SYNE1: variants seen among roughly 807,000 people sequenced by gnomAD.
SYNE1 encodes nesprin-1.
In SYNE1, 616 loss-of-function variants were observed where a neutral mutation model predicts 1,111.0. That is an observed-to-expected ratio of 0.55 (90% CI 0.52 to 0.59). The LOEUF (loss-of-function observed/expected upper bound fraction) is 0.59. Ranked by LOEUF, SYNE1 falls within the 20% of genes least tolerant of loss-of-function variation. The pLI is 0.00. For synonymous variants in SYNE1, 3,855 were observed against 3,825.8 expected, an observed-to-expected ratio of 1.01 and a Z score of -0.28; for missense variants, 10,006 against 10,417.0, an observed-to-expected ratio of 0.96 and a Z score of 1.72.
intron 3 of SYNE1, among the ~76,000 whole-genome samples, chr6:152,557,436 C>G (rs900190569): frequency 6.6e-6 from 1 of 151,936 alleles, no homozygotes; most frequent in Non-Finnish European, 1.5e-5. Flanking sequence ...CAAATCTAGA[C>G]TGGGAAATAA....
chr6:152,421,621 C>A (rs1460381735), intron 39 of SYNE1, among the ~76,000 whole-genome samples: 1 of 151,856 alleles, frequency 6.6e-6, no homozygotes, highest in Non-Finnish European at 1.5e-5. Flanking sequence ...TGTTTCCTGG[C>A]CGCAAGTTTC....
intron 3 of SYNE1, among the ~76,000 whole-genome samples, chr6:152,609,854 G>C (rs144185627): frequency 0.01 from 1,571 of 152,280 alleles, 24 homozygotes; most frequent in African/African-American, 0.036. Context: ...AAGCAAACAG[G>C]GTCTGGAGTG....
In SYNE1 at chr6:152,249,147, G is replaced by A; in HGVS notation, c.19572+14C>T. 6.5e-7 allele frequency: 1 copy of A among 1,545,620 alleles called. No homozygotes were observed. The highest frequency in any genetic ancestry group is 1.1e-5 in the South Asian group (1 of 89,618). ...TATGCATTTTCTCTTCTAGGAAAAG[G>A]CAGCTATAAATACCTCTATTTGTTC... On this transcript the variant is annotated intron_variant, in intron 105 of 145. Transcript: ENST00000367255.
Position 152,444,525 on chromosome 6 carries a change from G to A in SYNE1, c.3723C>T (p.Val1241=), listed in dbSNP as rs1041302788. 3.7e-6 allele frequency: 6 copies of A among 1,613,162 alleles called. No individual in the cohort carries two copies. The highest frequency in any genetic ancestry group is 5.1e-6 in the Non-Finnish European group (6 of 1,179,818). Residue 1241 remains valine (V), a synonymous_variant, in exon 30 of 146, where the codon GTC becomes GTT. Transcript: ENST00000367255. ...FGDCVQYKEI[V]KNSLEELISG... is the part of the protein sequence containing the mutation. ...AAATTAATTCTTCGAGAGAATTTTT[G>A]ACTATTTCTTTGTACTGGACACAGT...
At chr6:152,464,878 T>C (rs1333675214) in intron 18 of SYNE1, 2 of 294,074 alleles carry the variant, frequency 6.8e-6, no homozygotes, top group African/African-American at 4.4e-5. Flanking sequence ...GGTCCAGTTG[T>C]TCAACTGGCG....
intron 109 of SYNE1, 74 bp from the exon 110 acceptor site, chr6:152,236,377 T>TA (rs1488155089): frequency 9.3e-7 from 1 of 1,079,474 alleles, no homozygotes. Context: ...ATTTCTCTGG[T>TA]ACCTACAATG....
At chr6:152,370,680 T>C (rs899023571) in intron 59 of SYNE1, among the ~76,000 whole-genome samples, 3 of 152,216 alleles carry the variant, frequency 2.0e-5, no homozygotes, top group Non-Finnish European at 4.4e-5. Flanking sequence ...GTTATTTATG[T>C]TACCCTGTGA....
intron 63 of SYNE1, 149 bp from the exon 64 acceptor site, chr6:152,362,472 T>A: frequency 9.8e-7 from 1 of 1,020,524 alleles, no homozygotes; most frequent in Non-Finnish European, 1.5e-6. Flanking sequence ...GCCCAGGGCT[T>A]AAGGACACTG....
At chr6:152,440,031 C>T (rs187917370) in intron 32 of SYNE1, among the ~76,000 whole-genome samples, 163 of 152,282 alleles carry the variant, frequency 1.1e-3, no homozygotes, top group African/African-American at 3.6e-3. Flanking sequence ...ATCTCACTTC[C>T]ATTGTCTCCG....
chr6:152,479,993 A>T (rs1314014790), intron 14 of SYNE1, among the ~76,000 whole-genome samples: 1 of 152,214 alleles, frequency 6.6e-6, no homozygotes, highest in African/African-American at 2.4e-5. Context: ...AAGCATTGTA[A>T]CTTTGATAGC....
chr6:152,164,171 C>A lies in SYNE1; in HGVS notation c.23782G>T (p.Glu7928Ter). The change falls in exon 131 of 146, where the codon GAG becomes TAG. Residue 7928 changes from glutamate (E) to a stop codon, truncating the protein, a stop_gained. Transcript: ENST00000367255. LOFTEE classifies it high-confidence loss of function. ...TCCATTTTAAGTCTTACCTGCTGCT[C>A]ATTAAGCTTTCTCTGTATTTCTTCC... is the stretch of plus-strand genomic sequence containing the variant. ...NSEEIQRKLN[E>*]QQELQRDIEK... 6.2e-7 allele frequency: 1 copy of A among 1,614,172 alleles called. No individual in the cohort carries two copies. The highest frequency in any genetic ancestry group is 1.1e-5 in the South Asian group (1 of 91,060).
At position 152,352,029 on chromosome 6, in the gene SYNE1, T is replaced by A; in HGVS notation, c.11578A>T (p.Lys3860Ter). The A allele has an allele frequency of 6.2e-7, 1 of 1,613,910 alleles. No individual in the cohort carries two copies. Among genetic ancestry groups the A allele is most frequent in the Non-Finnish European group, 8.5e-7 (1 of 1,179,968 alleles). The change falls in exon 70 of 146, where the codon AAG becomes TAG. Residue 3860 changes from lysine (K) to a stop codon, truncating the protein, a stop_gained and splice_region_variant. Coordinates refer to ENST00000367255, the MANE Select transcript of SYNE1 (RefSeq NM_182961.4). LOFTEE classifies it high-confidence loss of function. ...CTGTCAATGAGTAAACACACTACCT[T>A]GTATTTAGATAACTGAGCTTTTTTC... ...YEKKAQLSKY[K>*]SLQQTVLSHE...
Position 152,310,788 on chromosome 6 carries a change from G to A in SYNE1, c.16796C>T (p.Thr5599Ile), listed in dbSNP as rs749643285. 1.9e-6 allele frequency: 3 copies of A among 1,613,672 alleles called. No homozygotes were observed. The Admixed American group carries it at 5.0e-5, about 27-fold the overall frequency. Reference protein sequence around the residue: ...KLQYLTSVYCTEKMSQQVAEL... With the variant: ...KLQYLTSVYCIEKMSQQVAEL... ...TGCCACTTGCTGAGACATTTTTTCT[G>A]TACAGTACACGCTAGTGAGGTACTG... Residue 5599 changes from threonine (T) to isoleucine (I), a missense_variant, in exon 88 of 146, where the codon ACA (threonine) becomes ATA (isoleucine). Thr to Ile is a moderately conservative substitution (Grantham distance 89, BLOSUM62 -1). Around this residue, in one of 7 missense-constraint regions of SYNE1, gnomAD observed 4,955 missense variants for 5,017.2 expected, o/e 0.99. Coordinates refer to ENST00000367255, the MANE Select transcript of SYNE1 (RefSeq NM_182961.4).
intron 140 of SYNE1, among the ~76,000 whole-genome samples, chr6:152,139,102 A>G (rs2057793681): frequency 6.6e-6 from 1 of 152,224 alleles, no homozygotes; most frequent in Non-Finnish European, 1.5e-5. Context: ...ATAGGCCTGT[A>G]GGAGCCAGGT....
chr6:152,633,240 C>T (rs1041895727), intron 2 of SYNE1, among the ~76,000 whole-genome samples: 10 of 152,142 alleles, frequency 6.6e-5, no homozygotes, highest in Admixed American at 2.0e-4. Flanking sequence ...GGGCTGTATA[C>T]CAATAAATAG....
intron 27 of SYNE1, 107 bp from the exon 28 acceptor site, chr6:152,449,748 A>G: frequency 1.1e-6 from 1 of 898,590 alleles, no homozygotes; most frequent in Non-Finnish European, 1.8e-6. Flanking sequence ...TTAAGTGATT[A>G]CCAAATTGAT....
chr6:152,298,747 G>T (rs540536922), intron 93 of SYNE1, among the ~76,000 whole-genome samples: 1 of 152,176 alleles, frequency 6.6e-6, no homozygotes, highest in African/African-American at 2.4e-5. Context: ...CACCGGTCAT[G>T]GTGTCATATT....
intron 130 of SYNE1, 133 bp downstream of exon 130, chr6:152,176,261 A>G (rs1475954963): frequency 1.3e-5 from 16 of 1,248,194 alleles, no homozygotes; most frequent in Non-Finnish European, 1.9e-5. Flanking sequence ...GAGGAGCATG[A>G]ACAGTTTTGA....
chr6:152,199,859 C>A (rs2075039671), intron 127 of SYNE1, among the ~76,000 whole-genome samples: 2 of 152,082 alleles, frequency 1.3e-5, no homozygotes, highest in Non-Finnish European at 1.5e-5. Context: ...GACGAAAATA[C>A]ATTTTTTAAA....
Sources: gnomAD v4.1 joint callset for allele counts (sites outside exome capture counted in the v4.1 genomes callset) on GRCh38, gnomAD v4.1.1 for gene constraint, gnomAD v4.1.1 regional missense constraint, MANE v1.5 for transcripts, NCBI Gene and HGNC (gene_info 2026-07-23, HGNC 2026-07-21) for gene names.